The following RSU1 variants were observed in gnomAD, a reference collection of about 807,000 sequenced individuals.
RSU1 encodes the protein rsu-1.
In RSU1, 26 loss-of-function variants were observed where a neutral mutation model predicts 31.1. That is an observed-to-expected ratio of 0.84 (90% CI 0.61 to 1.16). RSU1 has a LOEUF of 1.16. RSU1 is among the 50% of genes most tolerant of loss of function. The probability of loss-of-function intolerance (pLI) is 0.00; values close to 1 mark genes in which losing one functional copy is unlikely to be tolerated. For synonymous variants in RSU1, 164 were observed against 136.3 expected (o/e 1.20, Z -1.41); for missense variants, 320 against 339.1 (o/e 0.94, Z 0.44).
chr10:16,750,003 C>T (rs1433711011), intron 7 of RSU1, among the ~76,000 whole-genome samples: 1 of 152,180 alleles, frequency 6.6e-6, no homozygotes, highest in Non-Finnish European at 1.5e-5. Flanking sequence ...TCCCCACAGA[C>T]TTGTCAGCAA....
intron 8 of RSU1, among the ~76,000 whole-genome samples, chr10:16,639,710 CTT>C (rs1383331610): frequency 6.6e-6 from 1 of 152,204 alleles, no homozygotes; most frequent in Non-Finnish European, 1.5e-5. Flanking sequence ...CAGGGAAACA[CTT>C]TGTCAAACAA....
intron 8 of RSU1, among the ~76,000 whole-genome samples, chr10:16,627,024 A>G (rs74126001): frequency 6.6e-6 from 1 of 152,372 alleles, no homozygotes; most frequent in African/African-American, 2.4e-5. Flanking sequence ...GTATACTGAT[A>G]TTCCTGTGCA....
intron 2 of RSU1, among the ~76,000 whole-genome samples, chr10:16,797,562 C>T (rs1014755362): frequency 2.0e-5 from 3 of 152,134 alleles, no homozygotes. Flanking sequence ...TGTAGAAGAA[C>T]ATCATTGACC....
chr10:16,729,618 GA>G (rs1302379918), intron 7 of RSU1, among the ~76,000 whole-genome samples: 1 of 152,170 alleles, frequency 6.6e-6, no homozygotes, highest in African/African-American at 2.4e-5. Flanking sequence ...GGAGACCTCT[GA>G]AGCAGTCAAA....
At chr10:16,616,339 GA>G (rs1272894397) in intron 8 of RSU1, among the ~76,000 whole-genome samples, 2 of 100,620 alleles carry the variant, frequency 2.0e-5, no homozygotes, top group Non-Finnish European at 3.9e-5. Context: ...AACAAATTCT[GA>G]AATTGAGGCA....
At chr10:16,641,912 T>C (rs1378784846) in intron 8 of RSU1, among the ~76,000 whole-genome samples, 1 of 152,190 alleles carries the variant, frequency 6.6e-6, no homozygotes, top group Non-Finnish European at 1.5e-5. Flanking sequence ...CAGCAGGGCC[T>C]GGAACCTGGC....
intron 3 of RSU1, among the ~76,000 whole-genome samples, chr10:16,778,609 G>A (rs1367181910): frequency 6.6e-6 from 1 of 152,220 alleles, no homozygotes; most frequent in Non-Finnish European, 1.5e-5. Context: ...CTACATGCAA[G>A]AGAGTTTGGG....
chr10:16,621,265 C>T (rs970845142), intron 8 of RSU1, among the ~76,000 whole-genome samples: 1 of 152,126 alleles, frequency 6.6e-6, no homozygotes, highest in South Asian at 2.1e-4. Context: ...CTGCACAGGA[C>T]ATCCTGGCCC....
At chr10:16,689,264 A>G (rs1835497114) in intron 8 of RSU1, among the ~76,000 whole-genome samples, 2 of 152,350 alleles carry the variant, frequency 1.3e-5, no homozygotes, top group East Asian at 1.9e-4. Context: ...GCACCCATTT[A>G]TACTTCATCA....
chr10:16,706,149 T>A (rs926920017), intron 7 of RSU1, among the ~76,000 whole-genome samples: 5 of 152,232 alleles, frequency 3.3e-5, no homozygotes, highest in Non-Finnish European at 7.3e-5. Context: ...ATTTCGGGAA[T>A]ATACTCAGAA....
chr10:16,751,452 C>A (rs1408197949), intron 7 of RSU1, among the ~76,000 whole-genome samples: 1 of 152,196 alleles, frequency 6.6e-6, no homozygotes, highest in Non-Finnish European at 1.5e-5. Context: ...TGGCTGCCAA[C>A]AGAACTCAAG....
At chr10:16,753,842 C>G (rs956279424) in intron 5 of RSU1, among the ~76,000 whole-genome samples, 1 of 152,124 alleles carries the variant, frequency 6.6e-6, no homozygotes, top group African/African-American at 2.4e-5. Flanking sequence ...ACTGCAGCCT[C>G]AAACTCCTGG....
chr10:16,600,481 C>T (rs551394183), intron 8 of RSU1, among the ~76,000 whole-genome samples: 14 of 151,890 alleles, frequency 9.2e-5, no homozygotes, highest in African/African-American at 3.4e-4. Flanking sequence ...GTCCACTGTA[C>T]TCAGAATAAA....
chr10:16,605,901 A>G (rs1445438533), intron 8 of RSU1, among the ~76,000 whole-genome samples: 1 of 152,166 alleles, frequency 6.6e-6, no homozygotes, highest in Non-Finnish European at 1.5e-5. Context: ...TCTTGAGCTC[A>G]AGTGATCCTC....
chr10:16,667,613 A>G (rs949650207), intron 8 of RSU1, among the ~76,000 whole-genome samples: 7 of 151,688 alleles, frequency 4.6e-5, no homozygotes, highest in South Asian at 2.1e-4. Context: ...TCAGCCTCCC[A>G]AGTAGCTGGG....
intron 2 of RSU1, among the ~76,000 whole-genome samples, chr10:16,804,112 A>G (rs549068000): frequency 3.9e-5 from 6 of 152,354 alleles, no homozygotes; most frequent in Admixed American, 3.9e-4. Context: ...TATAAAAAAA[A>G]GACTTAAAAC....
At chr10:16,806,775 A>C (rs1838278134) in intron 2 of RSU1, among the ~76,000 whole-genome samples, 1 of 152,174 alleles carries the variant, frequency 6.6e-6, no homozygotes, top group Non-Finnish European at 1.5e-5. Context: ...TTTATTTTGA[A>C]AGAGTCTCAC....
At chr10:16,813,135 T>G (rs773277779) in intron 2 of RSU1, among the ~76,000 whole-genome samples, 35 of 152,156 alleles carry the variant, frequency 2.3e-4, no homozygotes, top group Non-Finnish European at 2.9e-5. Flanking sequence ...AGCTCATTTT[T>G]TAATTTTTTG....
At chr10:16,777,565 G>A (rs550842645) in intron 3 of RSU1, among the ~76,000 whole-genome samples, 1 of 152,144 alleles carries the variant, frequency 6.6e-6, no homozygotes. Flanking sequence ...TCACAACAAA[G>A]GTGGTTTCTA....
Sources: allele counts gnomAD v4.1 joint callset (sites outside exome capture counted in the v4.1 genomes callset), GRCh38; gene constraint gnomAD v4.1.1; transcripts MANE v1.5; gene names NCBI Gene and HGNC (gene_info 2026-07-23, HGNC 2026-07-21).